THSD7B: variants seen among roughly 807,000 people sequenced by gnomAD.
THSD7B encodes the protein thrombospondin type-1 domain-containing protein 7B.
Under a neutral mutation model 213.6 loss-of-function variants are expected in THSD7B, and 138 were observed. The ratio of observed to expected loss-of-function variants is 0.65; its 90% CI spans 0.56 to 0.74. THSD7B has a LOEUF of 0.74. THSD7B is among the 30% of genes least tolerant of loss of function. THSD7B has a pLI of 0.00. For missense variants in THSD7B, 1,931 were observed against 1,991.5 expected, an observed-to-expected ratio of 0.97 and a Z score of 0.58; for synonymous variants, 742 against 687.0, an observed-to-expected ratio of 1.08 and a Z score of -1.25.
At chr2:137,084,256 A>G (rs958848438) in intron 3 of THSD7B, among the ~76,000 whole-genome samples, 21 of 152,190 alleles carry the variant, frequency 1.4e-4, no homozygotes, top group African/African-American at 5.1e-4. Context: ...CTTACATGAC[A>G]GTGAAATAAT....
intron 15 of THSD7B, among the ~76,000 whole-genome samples, chr2:137,534,115 A>G (rs1487015762): frequency 1.3e-5 from 2 of 150,626 alleles, no homozygotes; most frequent in Non-Finnish European, 3.0e-5. Flanking sequence ...TTGAAATACT[A>G]TTTTTTCCCT....
At chr2:137,140,673 T>C (rs551552122) in intron 5 of THSD7B, among the ~76,000 whole-genome samples, 1 of 152,274 alleles carries the variant, frequency 6.6e-6, no homozygotes, top group African/African-American at 2.4e-5. Flanking sequence ...CTAAGGGTAA[T>C]TTATTCATCG....
intron 7 of THSD7B, among the ~76,000 whole-genome samples, chr2:137,176,785 A>G (rs35896985): frequency 0.07 from 10,595 of 152,222 alleles, 395 homozygotes; most frequent in African/African-American, 0.094. Context: ...CTTTCTTCTC[A>G]GTTGAAATAG....
rs1315565778 is a variant in THSD7B, at chr2:137,271,478, TAAAATC to T, written c.2267-1053_2267-1048del. The stretch of plus-strand genomic sequence containing the variant: ...ATAATATATAATATAATATATAATA[TAAAATC>T]ATATATATATTATTCATTCATATAT... On this transcript the variant is annotated intron_variant, in intron 10 of 27. Transcript: ENST00000409968. Among the ~76,000 whole-genome samples the T allele has an allele frequency of 9.6e-4, 134 of 139,704 alleles. 5 individuals are homozygous for T. In the East Asian group the frequency reaches 0.021, roughly 22 times the overall value. 91.7% of individuals were successfully genotyped at this position (139,704 alleles called of 152,430 possible).
chr2:137,028,991 A>G (rs1376157284), intron 2 of THSD7B, among the ~76,000 whole-genome samples: 2 of 152,070 alleles, frequency 1.3e-5, no homozygotes, highest in Non-Finnish European at 2.9e-5. Flanking sequence ...TAAATTTTAT[A>G]AAATTAAAAT....
intron 15 of THSD7B, among the ~76,000 whole-genome samples, chr2:137,496,455 A>G (rs1158502688): frequency 1.3e-5 from 2 of 152,074 alleles, no homozygotes; most frequent in African/African-American, 4.8e-5. Flanking sequence ...CCTATTTTCT[A>G]CCTCTTTGAG....
chr2:137,351,475 G>T (rs1685012684), intron 12 of THSD7B, among the ~76,000 whole-genome samples: 1 of 151,934 alleles, frequency 6.6e-6, no homozygotes, highest in African/African-American at 2.4e-5. Context: ...GTCCATGCAT[G>T]CATAGGCAGA....
At chr2:137,633,644 A>T (rs1035950406) in intron 20 of THSD7B, among the ~76,000 whole-genome samples, 1 of 152,170 alleles carries the variant, frequency 6.6e-6, no homozygotes, top group African/African-American at 2.4e-5. Context: ...TCATATGTTA[A>T]AGGGGAATAT....
At chr2:136,800,026 C>G (rs1366390956) in intron 1 of THSD7B, among the ~76,000 whole-genome samples, 1 of 151,874 alleles carries the variant, frequency 6.6e-6, no homozygotes, top group East Asian at 1.9e-4. Context: ...TATGTGTTCA[C>G]TCTAGGGGGA....
Position 137,056,913 on chromosome 2 carries a change from CT to C in THSD7B, c.636del (p.Phe212LeufsTer9). 1 of 1,613,954 alleles carries C rather than the reference CT, an allele frequency of 6.2e-7. No homozygotes were observed. Among genetic ancestry groups the C allele is most frequent in the Admixed American group, 1.7e-5 (1 of 60,032 alleles). On this transcript the variant is annotated frameshift_variant, in exon 3 of 28. Coordinates refer to ENST00000409968, the MANE Select transcript of THSD7B (RefSeq NM_001316349.2). LOFTEE classifies it high-confidence loss of function. Reference protein sequence around the residue: ...RTRAVIAPPLFGGLQCPNLTE... With the variant: ...RTRAVIAPPLXGGLQCPNLTE... ...CTCGCGCGGTCATAGCTCCCCCTCT[CT>C]TTGGTGGTTTGCAATGTCCAAATCT...
intron 5 of THSD7B, among the ~76,000 whole-genome samples, chr2:137,116,105 T>TA (rs1394099586): frequency 1.3e-5 from 2 of 152,208 alleles, no homozygotes; most frequent in East Asian, 3.8e-4. Context: ...CTTGCTATGG[T>TA]AATGCATCCA....
intron 10 of THSD7B, among the ~76,000 whole-genome samples, 176 bp from the exon 11 acceptor site, chr2:137,272,357 T>A (rs2104806620): frequency 6.6e-6 from 1 of 152,294 alleles, no homozygotes. Flanking sequence ...TGTGTTTATT[T>A]CATAAAAGTA....
intron 1 of THSD7B, among the ~76,000 whole-genome samples, chr2:136,847,314 A>G (rs919737263): frequency 6.6e-6 from 1 of 152,208 alleles, no homozygotes; most frequent in Admixed American, 6.5e-5. Flanking sequence ...GTGAATATGC[A>G]TTAAGGATTA....
intron 16 of THSD7B, among the ~76,000 whole-genome samples, chr2:137,568,944 G>T (rs958266531): frequency 6.6e-6 from 1 of 152,146 alleles, no homozygotes; most frequent in African/African-American, 2.4e-5. Context: ...TGGACTTTAT[G>T]GATATGCTAC....
At chr2:137,113,804 T>C (rs1688397045) in intron 4 of THSD7B, among the ~76,000 whole-genome samples, 1 of 152,126 alleles carries the variant, frequency 6.6e-6, no homozygotes, top group Admixed American at 6.5e-5. Context: ...CAAACTCTTG[T>C]CTGCCTGAGT....
intron 2 of THSD7B, among the ~76,000 whole-genome samples, chr2:137,053,875 A>G (rs1346021609): frequency 6.6e-6 from 1 of 152,200 alleles, no homozygotes; most frequent in Non-Finnish European, 1.5e-5. Context: ...ATATTATTCA[A>G]GATTAATTTT....
chr2:136,868,015 A>T (rs58986714), intron 1 of THSD7B, among the ~76,000 whole-genome samples: 2 of 152,098 alleles, frequency 1.3e-5, no homozygotes, highest in Non-Finnish European at 2.9e-5. Flanking sequence ...TGTTTTTAAG[A>T]TGGGAAGTGG....
At chr2:137,523,048 C>A (rs541437460) in intron 15 of THSD7B, among the ~76,000 whole-genome samples, 1 of 152,114 alleles carries the variant, frequency 6.6e-6, no homozygotes, top group Admixed American at 6.5e-5. Flanking sequence ...AAGGCCACAA[C>A]GTAAAAATGC....
intron 10 of THSD7B, among the ~76,000 whole-genome samples, chr2:137,254,175 A>G (rs1259510472): frequency 1.3e-5 from 2 of 152,202 alleles, no homozygotes; most frequent in Non-Finnish European, 2.9e-5. Flanking sequence ...CTACATATAG[A>G]TGGTTCAGAT....
Sources: allele counts gnomAD v4.1 joint callset (sites outside exome capture counted in the v4.1 genomes callset), GRCh38; gene constraint gnomAD v4.1.1; transcripts MANE v1.5; gene names NCBI Gene and HGNC (gene_info 2026-07-23, HGNC 2026-07-21).